TCF4: variants seen among roughly 807,000 people sequenced by gnomAD.
TCF4 encodes SL3-3 enhancer factor 2.
TCF4 carries 3 observed loss-of-function variants against 82.1 expected under a neutral mutation model. The observed-to-expected ratio is 0.04, with a 90% CI of 0.02 to 0.09. The LOEUF (loss-of-function observed/expected upper bound fraction) is 0.09. TCF4 is among the 10% of genes least tolerant of loss of function. The pLI is 1.00. For synonymous variants in TCF4, 276 were observed against 309.6 expected (o/e 0.89, Z 1.14); for missense variants, 518 against 852.7 (o/e 0.61, Z 4.89).
At chr18:55,525,266 T>A (rs951955028) in intron 3 of TCF4, among the ~76,000 whole-genome samples, 4 of 152,056 alleles carry the variant, frequency 2.6e-5, no homozygotes, top group African/African-American at 4.8e-5. Flanking sequence ...TTACATGACA[T>A]CGCTTCTTCA....
chr18:55,446,981 T>C (rs2095537130), intron 5 of TCF4, among the ~76,000 whole-genome samples: 1 of 117,668 alleles, frequency 8.5e-6, no homozygotes. Context: ...CGAGACTCTG[T>C]CTCAAAAAAA....
At chr18:55,602,060 G>A (rs748232077) in intron 2 of TCF4, among the ~76,000 whole-genome samples, 8 of 152,064 alleles carry the variant, frequency 5.3e-5, no homozygotes, top group Non-Finnish European at 8.8e-5. Flanking sequence ...TAGGTTTGCC[G>A]GATTCACGTT....
intron 3 of TCF4, among the ~76,000 whole-genome samples, chr18:55,473,866 G>T (rs1476367851): frequency 6.6e-6 from 1 of 152,120 alleles, no homozygotes; most frequent in African/African-American, 2.4e-5. Context: ...TCTCATTAAA[G>T]CAATCTTCTG....
At position 55,251,134 on chromosome 18, in the gene TCF4, CA is replaced by C. The variant is rs150976237; in HGVS notation, c.1350+3362del. On this transcript the variant is annotated intron_variant, in intron 15 of 19. Coordinates refer to ENST00000354452, the MANE Select transcript of TCF4 (RefSeq NM_001083962.2). ...AGACTTGTTGCAGATTGGAAGAGCT[CA>C]ACATAAGGCTTTCGGTAAATGGTAA... Among the ~76,000 whole-genome samples the C allele has an allele frequency of 4.4e-3, 674 of 152,114 alleles. 2 individuals carry two copies. The highest frequency in any genetic ancestry group is 0.014 in the Middle Eastern group (4 of 294).
At chr18:55,302,990 A>G (rs1468245095) in intron 8 of TCF4, among the ~76,000 whole-genome samples, 1 of 152,228 alleles carries the variant, frequency 6.6e-6, no homozygotes, top group Non-Finnish European at 1.5e-5. Flanking sequence ...CATCCCATCC[A>G]GATTTCTCTT....
At chr18:55,403,376 G>T in intron 6 of TCF4, 78 bp downstream of exon 6, 1 of 1,518,916 alleles carries the variant, frequency 6.6e-7, no homozygotes, top group Non-Finnish European at 9.1e-7. Flanking sequence ...AGTTTAAAAT[G>T]CATCATCTAA....
intron 3 of TCF4, among the ~76,000 whole-genome samples, chr18:55,500,977 C>T (rs1461295171): frequency 6.6e-6 from 1 of 152,122 alleles, no homozygotes; most frequent in African/African-American, 2.4e-5. Flanking sequence ...TCTGATATTC[C>T]TTTATAAATC....
At position 55,577,167 on chromosome 18, in the gene TCF4, CATTTATATATTTATAAAT is replaced by C. The variant is rs1568443398; in HGVS notation, c.145+8095_145+8112del. On this transcript the variant is annotated intron_variant, in intron 3 of 19. Transcript: ENST00000354452. ...TTATATATTTATATATGTATATATA[CATTTATATATTTATAAAT>C]GTATATATACATTTATATATTTATA... Among the ~76,000 whole-genome samples the C allele has an allele frequency of 1.8e-4, 25 of 136,800 alleles. No homozygotes were observed. The East Asian group carries it at 4.5e-3, about 25-fold the overall frequency. The allele number at this position is 136,800 out of a possible 152,430, so 89.7% of individuals were successfully genotyped here. A position where few individuals can be genotyped will look rare whatever the true frequency, so the allele number is the denominator to read the frequency against.
At chr18:55,254,463 GATAACT>G (rs2056242691) in intron 15 of TCF4, 28 bp downstream of exon 15, 1 of 1,576,590 alleles carries the variant, frequency 6.3e-7, no homozygotes, top group African/African-American at 1.3e-5. Flanking sequence ...AACTCTATAT[GATAACT>G]ATAGAGTCTA....
At chr18:55,309,716 G>A (rs1017610339) in intron 8 of TCF4, among the ~76,000 whole-genome samples, 1 of 152,154 alleles carries the variant, frequency 6.6e-6, no homozygotes, top group Non-Finnish European at 1.5e-5. Flanking sequence ...AAATGTCTGA[G>A]TTAAATACCA....
chr18:55,274,122 T>C (rs1470099418), intron 10 of TCF4, among the ~76,000 whole-genome samples: 2 of 152,126 alleles, frequency 1.3e-5, no homozygotes, highest in Admixed American at 6.6e-5. Flanking sequence ...TGACCATGAG[T>C]TCCCACAGAA....
Position 55,544,182 on chromosome 18 carries a change from G to A in TCF4, c.145+41098C>T, listed in dbSNP as rs551674325. ...CCAGCCCTGGCTCAGTCATTAGCTA[G>A]CTGGATTAGCCTTGAGTAAGTAATT... On this transcript the variant is annotated intron_variant, in intron 3 of 19. Transcript: ENST00000354452. Among the ~76,000 whole-genome samples the A allele has an allele frequency of 2.6e-5, 4 of 152,290 alleles. No homozygotes were observed. The South Asian group carries it at 6.2e-4, about 24-fold the overall frequency.
At chr18:55,543,076 G>T (rs1410751816) in intron 3 of TCF4, among the ~76,000 whole-genome samples, 1 of 151,968 alleles carries the variant, frequency 6.6e-6, no homozygotes, top group Non-Finnish European at 1.5e-5. Flanking sequence ...AAATTGTTTG[G>T]ACACAACCAT....
At chr18:55,445,421 T>C (rs2095508795) in intron 5 of TCF4, among the ~76,000 whole-genome samples, 1 of 152,068 alleles carries the variant, frequency 6.6e-6, no homozygotes, top group Non-Finnish European at 1.5e-5. Context: ...CTCACAATCA[T>C]GGTGGAAGGC....
chr18:55,521,760 T>A (rs893830266), intron 3 of TCF4, among the ~76,000 whole-genome samples: 8 of 152,212 alleles, frequency 5.3e-5, no homozygotes, highest in Non-Finnish European at 1.0e-4. Flanking sequence ...GAAAATTTGC[T>A]TAAGACACGA....
intron 13 of TCF4, among the ~76,000 whole-genome samples, chr18:55,258,252 C>T (rs1388165469): frequency 6.6e-6 from 1 of 152,112 alleles, no homozygotes; most frequent in African/African-American, 2.4e-5. Flanking sequence ...AGAATTTGGA[C>T]AGAGCCGTCG....
Position 55,394,192 on chromosome 18 carries a change from C to T in TCF4, c.369+9262G>A, listed in dbSNP as rs532563194. 1.8e-4 allele frequency among the ~76,000 whole-genome samples: 27 copies of T among 152,236 alleles called. 1 individual carries two copies. The South Asian group carries it at 5.0e-3, about 28-fold the overall frequency. ...CCAATAAAACTAAAAAGATTCAGTGCCCTGCTGTTCATTATCATGGTACAA... is the reference window on the plus strand; with the variant it reads ...CCAATAAAACTAAAAAGATTCAGTGTCCTGCTGTTCATTATCATGGTACAA... On this transcript the variant is annotated intron_variant, in intron 6 of 19. Coordinates refer to ENST00000354452, the MANE Select transcript of TCF4 (RefSeq NM_001083962.2).
At chr18:55,602,023 C>CAT (rs2097697594) in intron 2 of TCF4, among the ~76,000 whole-genome samples, 2 of 152,146 alleles carry the variant, frequency 1.3e-5, no homozygotes, top group South Asian at 4.1e-4. Flanking sequence ...AACGGGATGT[C>CAT]ATGCCATGTT....
chr18:55,394,452 G>A (rs771248298), intron 6 of TCF4, among the ~76,000 whole-genome samples: 3 of 152,288 alleles, frequency 2.0e-5, no homozygotes, highest in South Asian at 2.1e-4. Context: ...ATTGGAAGAT[G>A]TCTTCTAAAA....
Sources: allele counts gnomAD v4.1 joint callset (sites outside exome capture counted in the v4.1 genomes callset), GRCh38; gene constraint gnomAD v4.1.1; transcripts MANE v1.5; gene names NCBI Gene and HGNC (gene_info 2026-07-23, HGNC 2026-07-21).